CNTNAP2: variants seen among roughly 807,000 people sequenced by gnomAD.
CNTNAP2 encodes contactin associated protein 2, also known as contactin-associated protein-like 2.
CNTNAP2 carries 98 observed loss-of-function variants against 155.2 expected under a neutral mutation model. The observed-to-expected ratio is 0.63, with a 90% confidence interval of 0.54 to 0.75. The LOEUF (loss-of-function observed/expected upper bound fraction) is 0.75, where lower values mean the gene tolerates loss of function less well. Among genes scored for constraint, CNTNAP2 ranks in the 30% least tolerant of loss-of-function variants. The pLI is 0.00. For missense variants in CNTNAP2, 1,727 were observed against 1,688.1 expected, an observed-to-expected ratio of 1.02 and a Z score of -0.40; for synonymous variants, 651 against 631.2, an observed-to-expected ratio of 1.03 and a Z score of -0.47.
At chr7:146,732,387 A>G (rs902781547) in intron 1 of CNTNAP2, among the ~76,000 whole-genome samples, 2 of 152,160 alleles carry the variant, frequency 1.3e-5, no homozygotes, top group Admixed American at 6.5e-5. Context: ...CTTGAAATTT[A>G]TCGTGTACTC....
chr7:148,136,348 A>G (rs536318459), intron 16 of CNTNAP2, among the ~76,000 whole-genome samples: 114 of 152,056 alleles, frequency 7.5e-4, no homozygotes, highest in African/African-American at 2.5e-3. Flanking sequence ...TGCTCTTCCC[A>G]TGGTAATGAG....
chr7:148,399,946 C>G (rs1241208044), intron 22 of CNTNAP2, among the ~76,000 whole-genome samples: 1 of 152,184 alleles, frequency 6.6e-6, no homozygotes, highest in Non-Finnish European at 1.5e-5. Context: ...AACTGAAAGT[C>G]AGGCAGGTAT....
chr7:148,124,135 C>T (rs1257892634), intron 16 of CNTNAP2, among the ~76,000 whole-genome samples: 1 of 152,202 alleles, frequency 6.6e-6, no homozygotes, highest in Admixed American at 6.5e-5. Context: ...GTCCCCATGG[C>T]TGTGGGCATG....
At chr7:147,140,903 C>T (rs749432385) in intron 8 of CNTNAP2, among the ~76,000 whole-genome samples, 3 of 152,122 alleles carry the variant, frequency 2.0e-5, no homozygotes, top group African/African-American at 4.8e-5. Context: ...TAGCTCCTTG[C>T]TGTACTGCTA....
At chr7:147,449,498 G>A (rs1584954552) in intron 10 of CNTNAP2, among the ~76,000 whole-genome samples, 2 of 152,030 alleles carry the variant, frequency 1.3e-5, no homozygotes, top group South Asian at 4.1e-4. Context: ...AGAAGTAGAC[G>A]ATAAGATATT....
chr7:147,102,351 A>G (rs1367580785), intron 4 of CNTNAP2, among the ~76,000 whole-genome samples: 2 of 151,926 alleles, frequency 1.3e-5, no homozygotes, highest in East Asian at 3.9e-4. Flanking sequence ...AATGGATATA[A>G]TAAAAGTAGT....
intron 13 of CNTNAP2, among the ~76,000 whole-genome samples, chr7:147,750,802 G>C (rs761531200): frequency 6.6e-6 from 1 of 152,272 alleles, no homozygotes; most frequent in African/African-American, 2.4e-5. Flanking sequence ...AGTTTGGGAG[G>C]CCAAGGCGGG....
chr7:146,842,994 C>CTTTTTTT (rs35387068), intron 3 of CNTNAP2, among the ~76,000 whole-genome samples: 459 of 13,662 alleles, frequency 0.034, 146 homozygotes, highest in Middle Eastern at 0.091. Flanking sequence ...CTGTCCCACA[C>CTTTTTTT]TTTTTTTTTT....
At chr7:146,890,027 C>T (rs1303969286) in intron 3 of CNTNAP2, among the ~76,000 whole-genome samples, 1 of 152,144 alleles carries the variant, frequency 6.6e-6, no homozygotes, top group East Asian at 1.9e-4. Flanking sequence ...AGCCAAATCA[C>T]ATTATGTGCT....
At chr7:148,123,667 GGAAGGAA>G (rs1804650711) in intron 16 of CNTNAP2, among the ~76,000 whole-genome samples, 1 of 143,402 alleles carries the variant, frequency 7.0e-6, no homozygotes, top group African/African-American at 2.8e-5. Flanking sequence ...AAGGAAGGAA[GGAAGGAA>G]GGAAGGAAGG....
chr7:146,222,575 T>TGTGTGTGC (rs1262023291), intron 1 of CNTNAP2, among the ~76,000 whole-genome samples: 18 of 147,372 alleles, frequency 1.2e-4, no homozygotes, highest in African/African-American at 4.0e-4. Flanking sequence ...TGTGTGTGTG[T>TGTGTGTGC]GCGTGCACAT....
At chr7:147,690,194 C>T (rs572701483) in intron 13 of CNTNAP2, among the ~76,000 whole-genome samples, 2 of 152,278 alleles carry the variant, frequency 1.3e-5, no homozygotes, top group East Asian at 3.9e-4. Context: ...CGTTACCTTG[C>T]TCGGCTGGCA....
intron 1 of CNTNAP2, among the ~76,000 whole-genome samples, chr7:146,144,201 G>C (rs1393752019): frequency 1.3e-5 from 2 of 152,014 alleles, no homozygotes; most frequent in East Asian, 3.8e-4. Flanking sequence ...GCCCCAGCTG[G>C]AGTGCAGTAG....
Position 148,244,256 on chromosome 7 carries a change from G to C in CNTNAP2, c.3381+14477G>C, listed in dbSNP as rs2116803844. ...GTTGGGGCTTTGTGAAATTATGTTG[G>C]CACAGAGACAAGCAAACTTAGCTGC... On this transcript the variant is annotated intron_variant, in intron 20 of 23. Coordinates refer to ENST00000361727, the MANE Select transcript of CNTNAP2 (RefSeq NM_014141.6). 1.3e-5 allele frequency among the ~76,000 whole-genome samples: 2 copies of C among 152,284 alleles called. 1 individual carries two copies. The highest frequency in any genetic ancestry group is 6.8e-3 in the Middle Eastern group (2 of 294).
At chr7:148,138,433 T>G (rs1805000684) in intron 16 of CNTNAP2, among the ~76,000 whole-genome samples, 1 of 152,194 alleles carries the variant, frequency 6.6e-6, no homozygotes. Context: ...TCCAAAGCCA[T>G]GTATTTTGAT....
At chr7:147,442,683 G>C (rs1036065652) in intron 10 of CNTNAP2, among the ~76,000 whole-genome samples, 3 of 152,114 alleles carry the variant, frequency 2.0e-5, no homozygotes, top group Non-Finnish European at 4.4e-5. Context: ...ATTGCTGCTG[G>C]TTATTTGAGC....
intron 8 of CNTNAP2, among the ~76,000 whole-genome samples, chr7:147,215,362 A>C (rs1251809365): frequency 2.0e-5 from 3 of 151,318 alleles, no homozygotes; most frequent in Admixed American, 6.6e-5. Flanking sequence ...TTCATCCCTC[A>C]CTCCCCACAA....
chr7:148,276,003 C>G (rs151040147), intron 21 of CNTNAP2, among the ~76,000 whole-genome samples: 1 of 151,962 alleles, frequency 6.6e-6, no homozygotes, highest in East Asian at 1.9e-4. Context: ...GGTGGAAAGT[C>G]GGATGTGAAG....
At chr7:147,874,513 G>T (rs920672398) in intron 13 of CNTNAP2, among the ~76,000 whole-genome samples, 7 of 152,274 alleles carry the variant, frequency 4.6e-5, no homozygotes, top group Non-Finnish European at 7.3e-5. Flanking sequence ...TGGACACAGA[G>T]CACCAAGTCC....
Sources: allele counts gnomAD v4.1 joint callset (sites outside exome capture counted in the v4.1 genomes callset), GRCh38; gene constraint gnomAD v4.1.1; transcripts MANE v1.5; gene names NCBI Gene and HGNC (gene_info 2026-07-23, HGNC 2026-07-21).